The following MAMSTR variants were observed in gnomAD, a reference collection of about 807,000 sequenced individuals.
The protein encoded by MAMSTR is MEF2 activating motif and SAP domain containing transcriptional regulator, also known as MEF2-activating motif and SAP domain-containing transcriptional regulator.
MAMSTR carries 41 observed loss-of-function variants against 42.7 expected under a neutral mutation model. The ratio of observed to expected loss-of-function variants is 0.96; its 90% CI spans 0.75 to 1.25. MAMSTR has a LOEUF of 1.25. Among genes scored for constraint, MAMSTR ranks in the 50% most tolerant of loss-of-function variants. The probability of loss-of-function intolerance (pLI) is 0.00; values close to 1 mark genes in which losing one functional copy is unlikely to be tolerated. For missense variants in MAMSTR, 567 were observed against 557.6 expected (o/e 1.02, Z -0.17); for synonymous variants, 265 against 244.1 (o/e 1.09, Z -0.80).
chr19:48,716,638 G>A, intron 3 of MAMSTR, 67 bp downstream of exon 3: 3 of 1,308,292 alleles, frequency 2.3e-6, no homozygotes, highest in Non-Finnish European at 2.0e-6. Flanking sequence ...TCTGGCAGCT[G>A]TATTCCAGGA....
downstream of MAMSTR, among the ~76,000 whole-genome samples, chr19:48,708,051 G>A (rs149248708): frequency 0.02 from 3,017 of 151,806 alleles, 91 homozygotes; most frequent in African/African-American, 0.067. Context: ...CCTGACCAAC[G>A]TGGAGAAACC....
Position 48,713,314 on chromosome 19 carries a change from C to T in MAMSTR, c.1201G>A (p.Asp401Asn), listed in dbSNP as rs770909901. Residue 401 changes from aspartate (D) to asparagine (N), a missense_variant, in exon 10 of 10, where the codon GAC becomes AAC. Asp to Asn is a conservative substitution (Grantham distance 23). Coordinates refer to ENST00000318083, the MANE Select transcript of MAMSTR (RefSeq NM_001130915.2). Reference sequence around the variant, plus strand: ...TCCCACAGCCGGCTGCTGCTGGAGTCAGATAAGTCAGCGGAGAAGATGCTG... The same window carrying T: ...TCCCACAGCCGGCTGCTGCTGGAGTTAGATAAGTCAGCGGAGAAGATGCTG... ...PPSIFSADLS[D>N]SSSSRLWDLL... 51 of 1,605,666 alleles carry T rather than the reference C, an allele frequency of 3.2e-5. No homozygotes were observed. Among genetic ancestry groups the T allele is most frequent in the Non-Finnish European group, 4.2e-5 (49 of 1,177,928 alleles).
the MAMSTR span, among the ~76,000 whole-genome samples, chr19:48,707,617 T>C: frequency 2.0e-5 from 3 of 151,386 alleles, no homozygotes; most frequent in Non-Finnish European, 4.4e-5. Context: ...GGTGCACACC[T>C]GTAATCCCAG....
At position 48,713,433 on chromosome 19, in the gene MAMSTR, G is replaced by A; in HGVS notation, c.1082C>T (p.Ser361Phe). 1.2e-6 allele frequency: 2 copies of A among 1,613,128 alleles called. No individual in the cohort carries two copies. Among genetic ancestry groups the A allele is most frequent in the Non-Finnish European group, 8.5e-7 (1 of 1,179,692 alleles). Reference protein sequence around the residue: ...FSSSLPSPTNSSSPSPRDPTD... With the variant: ...FSSSLPSPTNFSSPSPRDPTD... ...GGGGTCCCTGGGAGAAGGGGAGGAG[G>A]AGTTCGTGGGAGACGGGAGTGAAGA... Residue 361 changes from serine to phenylalanine, a missense_variant, in exon 10 of 10, where the codon TCC becomes TTC. Coordinates refer to ENST00000318083, the MANE Select transcript of MAMSTR (RefSeq NM_001130915.2).
chr19:48,719,125 G>T lies in MAMSTR; in HGVS notation c.-21-73C>A. ...GAGTGGAGGTCAGGAGGCCGCCCCT[G>T]AGAGTGAATTCAGCAGGGAAAGGGC... On this transcript the variant is annotated intron_variant, in intron 1 of 9. Transcript: ENST00000318083. The surrounding 1 kb of genome is among the most constrained non-coding windows in gnomAD (Gnocchi z 4.4). 1 of 1,051,028 alleles carries T rather than the reference G, an allele frequency of 9.5e-7. No individual in the cohort carries two copies. The highest frequency in any genetic ancestry group is 1.4e-6 in the Non-Finnish European group (1 of 700,762). 65.1% of individuals were successfully genotyped at this position (1,051,028 alleles called of 1,614,324 possible). A position where few individuals can be genotyped will look rare whatever the true frequency, so the allele number is the denominator to read the frequency against.
rs1449503057 is a variant in MAMSTR, at chr19:48,713,773, G to A, written c.910-3C>T. 2.5e-6 allele frequency: 4 copies of A among 1,614,230 alleles called. No homozygotes were observed. Among genetic ancestry groups the A allele is most frequent in the South Asian group, 1.1e-5 (1 of 91,090 alleles). On this transcript the variant is annotated splice_polypyrimidine_tract_variant and splice_region_variant and intron_variant, in intron 8 of 9. Transcript: ENST00000318083. Reference sequence around the variant, plus strand: ...TCGATGCCCCGGTTAGGAAGCAACTGCGGATGGAGAAATTTGGCGTGAACT... The same window carrying A: ...TCGATGCCCCGGTTAGGAAGCAACTACGGATGGAGAAATTTGGCGTGAACT...
At chr19:48,711,405 T>C (rs2032722732), downstream of MAMSTR, among the ~76,000 whole-genome samples, 1 of 152,204 alleles carries the variant, frequency 6.6e-6, no homozygotes, top group Admixed American at 6.6e-5. Flanking sequence ...TTGTATGTGC[T>C]AGCCCAGGTG....
chr19:48,707,883 G>GAAAGAA (rs1555755214), downstream of MAMSTR, among the ~76,000 whole-genome samples: 2 of 106,016 alleles, frequency 1.9e-5, no homozygotes, highest in Non-Finnish European at 4.1e-5. Context: ...AAGAAAGAAA[G>GAAAGAA]AAAGAAAAGA....
downstream of MAMSTR, among the ~76,000 whole-genome samples, chr19:48,710,843 T>C (rs1432720220): frequency 2.0e-5 from 3 of 152,150 alleles, no homozygotes; most frequent in Admixed American, 2.0e-4. Flanking sequence ...CGCCTCGGCC[T>C]CCCAAAGTGC....
chr19:48,709,637 C>G (rs2032696730), downstream of MAMSTR, among the ~76,000 whole-genome samples: 1 of 152,170 alleles, frequency 6.6e-6, no homozygotes, highest in South Asian at 2.1e-4. Flanking sequence ...GAGGGACTGA[C>G]CCTCCCAGGG....
chr19:48,710,425 T>C (rs2032705213), downstream of MAMSTR, among the ~76,000 whole-genome samples: 1 of 69,972 alleles, frequency 1.4e-5, no homozygotes, highest in African/African-American at 3.2e-5. Context: ...TTTTTTTTTT[T>C]TTTTTTTTTT....
chr19:48,713,183 G>C lies in MAMSTR; in HGVS notation c.*84C>G. 7.6e-7 allele frequency: 1 copy of C among 1,321,886 alleles called. No homozygotes were observed. The highest frequency in any genetic ancestry group is 1.0e-6 in the Non-Finnish European group (1 of 981,392). The allele number at this position is 1,321,886 out of a possible 1,614,324, so 81.9% of individuals were successfully genotyped here. Reference sequence around the variant, plus strand: ...CGATCCTGTGTCTGCGGTAGGAGGGGCTCTGCTGGTAGTTCCCTCTCCTCC... The same window carrying C: ...CGATCCTGTGTCTGCGGTAGGAGGGCCTCTGCTGGTAGTTCCCTCTCCTCC... On this transcript the variant is annotated 3_prime_UTR_variant, in exon 10 of 10. Transcript: ENST00000318083.
chr19:48,712,471 G>C (rs1268372912), downstream of MAMSTR, among the ~76,000 whole-genome samples: 1 of 151,028 alleles, frequency 6.6e-6, no homozygotes, highest in East Asian at 1.9e-4. Flanking sequence ...GCCCAGGCTG[G>C]AGTGCAATGG....
At chr19:48,707,510 G>A in the MAMSTR span, among the ~76,000 whole-genome samples, 3 of 151,498 alleles carry the variant, frequency 2.0e-5, no homozygotes, top group African/African-American at 7.3e-5. Flanking sequence ...GGAGGCCAAG[G>A]TGGGTGGATC....
At chr19:48,711,369 G>A (rs551562328), downstream of MAMSTR, among the ~76,000 whole-genome samples, 9 of 152,186 alleles carry the variant, frequency 5.9e-5, no homozygotes, top group African/African-American at 2.2e-4. Flanking sequence ...CCCCACCACG[G>A]TGCCACACAC....
chr19:48,708,679 G>A (rs911963632), downstream of MAMSTR, among the ~76,000 whole-genome samples: 6 of 152,186 alleles, frequency 3.9e-5, no homozygotes, highest in Admixed American at 6.5e-5. Context: ...CAGGGACCAC[G>A]TGCACCCTCA....
chr19:48,716,184 C>T (rs577758168), intron 3 of MAMSTR, among the ~76,000 whole-genome samples: 7 of 151,582 alleles, frequency 4.6e-5, no homozygotes, highest in Non-Finnish European at 1.0e-4. Flanking sequence ...AAGACCAGCC[C>T]GGCCAACATG....
chr19:48,715,510 C>T lies in MAMSTR; in HGVS notation c.241-64G>A, dbSNP rs1276721996. ...CTCCCACCTTCCGGCCCCAGGACTA[C>T]ATGCAAAGTATGGGGTCAGCTCGGT... On this transcript the variant is annotated intron_variant, in intron 4 of 9. Coordinates refer to ENST00000318083, the MANE Select transcript of MAMSTR (RefSeq NM_001130915.2). The T allele has an allele frequency of 2.0e-6, 3 of 1,463,466 alleles. No individual in the cohort carries two copies. In the African/African-American group the frequency reaches 4.3e-5, roughly 21 times the overall value. The allele number at this position is 1,463,466 out of a possible 1,614,324, so 90.7% of individuals were successfully genotyped here.
chr19:48,718,302 T>C (rs1020542985), intron 2 of MAMSTR, among the ~76,000 whole-genome samples: 5 of 151,970 alleles, frequency 3.3e-5, no homozygotes, highest in African/African-American at 7.2e-5. Flanking sequence ...TCCAACCACA[T>C]AGGCACGCTC....
Sources: allele counts gnomAD v4.1 joint callset (sites outside exome capture counted in the v4.1 genomes callset), GRCh38; gene constraint gnomAD v4.1.1; non-coding constraint Gnocchi (gnomAD v3.1); transcripts MANE v1.5; gene names NCBI Gene and HGNC (gene_info 2026-07-23, HGNC 2026-07-21).